TMC2: variants seen among roughly 807,000 people sequenced by gnomAD.
The protein encoded by TMC2 is transmembrane channel like 2.
In TMC2, 102 loss-of-function variants were observed where a neutral mutation model predicts 105.9. The observed-to-expected ratio is 0.96, with a 90% confidence interval of 0.82 to 1.14. The LOEUF is 1.14. Ranked by LOEUF, TMC2 falls within the 50% of genes most tolerant of loss-of-function variation. The probability of loss-of-function intolerance (pLI) is 0.00; values close to 1 mark genes in which losing one functional copy is unlikely to be tolerated. For missense variants in TMC2, 1,093 were observed against 1,134.3 expected, an observed-to-expected ratio of 0.96 and a Z score of 0.52; for synonymous variants, 402 against 422.8, an observed-to-expected ratio of 0.95 and a Z score of 0.60.
chr20:2,633,231 C>A (rs2086617142), intron 17 of TMC2, among the ~76,000 whole-genome samples: 1 of 152,188 alleles, frequency 6.6e-6, no homozygotes, highest in South Asian at 2.1e-4. Flanking sequence ...AGGCAGTTTA[C>A]AACTCTACCT....
In TMC2 at chr20:2,642,431, T is replaced by C. The variant is rs2086695793; in HGVS notation, c.*1080T>C. The stretch of plus-strand genomic sequence containing the variant: ...TCTTATCTTGGAAGGAAACCTGCCT[T>C]ACCCAGGGCAGAAAAATCTTTTTCA... On this transcript the variant is annotated 3_prime_UTR_variant, in exon 20 of 20. Coordinates refer to ENST00000358864, the MANE Select transcript of TMC2 (RefSeq NM_080751.3). Among the ~76,000 whole-genome samples, 1 of 152,112 alleles carries C rather than the reference T, an allele frequency of 6.6e-6. No homozygotes were observed. Among genetic ancestry groups the C allele is most frequent in the East Asian group, 1.9e-4 (1 of 5,190 alleles).
intron 17 of TMC2, among the ~76,000 whole-genome samples, chr20:2,631,580 T>C (rs2146265825): frequency 6.6e-6 from 1 of 152,346 alleles, no homozygotes; most frequent in Non-Finnish European, 1.5e-5. Context: ...TTCAAATATG[T>C]CATCCCACTG....
At chr20:2,569,521 C>T (rs1272838492) in intron 4 of TMC2, among the ~76,000 whole-genome samples, 2 of 152,122 alleles carry the variant, frequency 1.3e-5, no homozygotes, top group Admixed American at 6.6e-5. Flanking sequence ...ACTTAATGGC[C>T]TTTTTGGGGT....
In TMC2 at chr20:2,558,590, C is replaced by A; in HGVS notation, c.217C>A (p.Gln73Lys). The stretch of plus-strand genomic sequence containing the variant: ...AAGCCCGGGGTCTCCCCGGAGGAAG[C>A]AAACAGGGCGCAGGAGACACAGAGA... Reference protein sequence around the residue: ...SPSPGSPRRKQTGRRRHREEL... With the variant: ...SPSPGSPRRKKTGRRRHREEL... Residue 73 changes from glutamine to lysine, a missense_variant, in exon 3 of 20, where the codon CAA (glutamine) becomes AAA (lysine). Physicochemically the swap from Gln to Lys is moderately conservative, Grantham distance 53. Transcript: ENST00000358864. This position sits in a 1 kb window ranked among gnomAD's most constrained non-coding sequence, Gnocchi z 4.6. The A allele has an allele frequency of 6.4e-7, 1 of 1,554,938 alleles. No individual in the cohort carries two copies. Among genetic ancestry groups the A allele is most frequent in the Non-Finnish European group, 8.7e-7 (1 of 1,148,852 alleles).
intron 5 of TMC2, among the ~76,000 whole-genome samples, chr20:2,578,436 A>G (rs2086162946): frequency 6.6e-6 from 1 of 152,162 alleles, no homozygotes; most frequent in Non-Finnish European, 1.5e-5. Context: ...TTTATTCCAA[A>G]TGGATTTGTT....
chr20:2,567,676 C>T (rs2086074004), intron 4 of TMC2, among the ~76,000 whole-genome samples: 1 of 152,084 alleles, frequency 6.6e-6, no homozygotes, highest in Admixed American at 6.5e-5. Flanking sequence ...GGATCACAGA[C>T]ATGAGCCACA....
intron 7 of TMC2, among the ~76,000 whole-genome samples, chr20:2,583,863 G>A: frequency 6.6e-6 from 1 of 152,110 alleles, no homozygotes; most frequent in East Asian, 1.9e-4. Context: ...TGGAAGCGAA[G>A]GACCCAGCTA....
At position 2,616,323 on chromosome 20, in the gene TMC2, T is replaced by G. The variant is rs4621228; in HGVS notation, c.1940+119T>G. 70 of 780,820 alleles carry G rather than the reference T, an allele frequency of 9.0e-5. 1 individual carries two copies. In the South Asian group the frequency reaches 1.0e-3, roughly 11 times the overall value. 48.4% of individuals were successfully genotyped at this position (780,820 alleles called of 1,614,324 possible). On this transcript the variant is annotated intron_variant, in intron 15 of 19. Transcript: ENST00000358864. This position sits in a 1 kb window ranked among gnomAD's most constrained non-coding sequence, Gnocchi z 4.8. ...GATAAGTCCTCTTGCCTCTCTGAAC[T>G]CCCCTCTTTCACATGAAAAATCAAG...
chr20:2,574,263 T>G (rs1329732151), intron 5 of TMC2, among the ~76,000 whole-genome samples: 3 of 152,216 alleles, frequency 2.0e-5, no homozygotes, highest in Non-Finnish European at 4.4e-5. Context: ...CACAGACACG[T>G]TTGATTTTCC....
intron 17 of TMC2, 139 bp from the exon 18 acceptor site, chr20:2,635,787 G>A (rs1258945174): frequency 1.5e-6 from 1 of 681,542 alleles, no homozygotes; most frequent in Non-Finnish European, 2.6e-6. Flanking sequence ...TCCACATTGA[G>A]AAAAGAAGAT....
intron 4 of TMC2, among the ~76,000 whole-genome samples, chr20:2,568,450 C>G (rs2086079442): frequency 6.6e-6 from 1 of 152,132 alleles, no homozygotes; most frequent in Admixed American, 6.5e-5. Context: ...TGGTAGGGTC[C>G]CCTGTTCTCT....
chr20:2,547,032 A>T (rs1331020712), intron 2 of TMC2, among the ~76,000 whole-genome samples: 1 of 152,234 alleles, frequency 6.6e-6, no homozygotes, highest in Admixed American at 6.5e-5. Flanking sequence ...ATCTTGAAGT[A>T]TAACATATAA....
intron 4 of TMC2, among the ~76,000 whole-genome samples, chr20:2,563,772 C>T (rs934341987): frequency 8.5e-5 from 13 of 152,176 alleles, no homozygotes; most frequent in Admixed American, 3.3e-4. Flanking sequence ...CTGTCACCCA[C>T]GCTGGAGTCC....
chr20:2,637,629 C>A, intron 19 of TMC2, 38 bp downstream of exon 19: 1 of 1,433,096 alleles, frequency 7.0e-7, no homozygotes, highest in Non-Finnish European at 9.8e-7. Flanking sequence ...TTTACAAGGC[C>A]ACATGGAAAG....
chr20:2,597,088 G>C, intron 9 of TMC2, 63 bp from the exon 10 acceptor site: 1 of 1,569,468 alleles, frequency 6.4e-7, no homozygotes, highest in Non-Finnish European at 8.7e-7. Context: ...CTAGGCCAAG[G>C]TTCCCTGGGG....
At chr20:2,564,006 G>A (rs1291344831) in intron 4 of TMC2, among the ~76,000 whole-genome samples, 2 of 152,014 alleles carry the variant, frequency 1.3e-5, no homozygotes, top group Middle Eastern at 3.2e-3. Context: ...GTGATTACAG[G>A]TATGGGCCAC....
intron 1 of TMC2, 82 bp from the exon 2 acceptor site, chr20:2,537,187 G>C: frequency 7.7e-7 from 1 of 1,296,036 alleles, no homozygotes; most frequent in Non-Finnish European, 1.1e-6. Flanking sequence ...AATCAGCTGA[G>C]GGGTCCCACA....
chr20:2,548,586 C>T (rs1346847052), intron 2 of TMC2, among the ~76,000 whole-genome samples: 1 of 145,832 alleles, frequency 6.9e-6, no homozygotes, highest in Non-Finnish European at 1.5e-5. Context: ...TGCAGTGAGC[C>T]AAGATAGCAC....
chr20:2,558,508 G>T lies in TMC2; in HGVS notation c.135G>T (p.Gly45=), dbSNP rs889459570. The change falls in exon 3 of 20, where the codon GGG becomes GGT. Residue 45 remains glycine, a synonymous_variant. Transcript: ENST00000358864. The surrounding 1 kb of genome is among the most constrained non-coding windows in gnomAD (Gnocchi z 4.6). ...GCAAGCGGGCTCTCAAAGCCGAGGG[G>T]ACCCCAGGCAGGCGCGGAGCTCAGC... The part of the protein sequence containing the change: ...SSSKRALKAE[G]TPGRRGAQRS... 1 of 1,558,334 alleles carries T rather than the reference G, an allele frequency of 6.4e-7. No homozygotes were observed. Among genetic ancestry groups the T allele is most frequent in the Non-Finnish European group, 8.7e-7 (1 of 1,151,204 alleles).
Sources: allele counts gnomAD v4.1 joint callset (sites outside exome capture counted in the v4.1 genomes callset), GRCh38; gene constraint gnomAD v4.1.1; non-coding constraint Gnocchi (gnomAD v3.1); transcripts MANE v1.5; gene names NCBI Gene and HGNC (gene_info 2026-07-23, HGNC 2026-07-21).